The following VPS13D variants were observed in gnomAD, a reference collection of about 807,000 sequenced individuals.
VPS13D encodes the protein vacuolar protein sorting 13 homolog D, also known as intermembrane lipid transfer protein VPS13D.
VPS13D carries 187 observed loss-of-function variants against 461.9 expected under a neutral mutation model. That is an observed-to-expected ratio of 0.40 (90% CI 0.36 to 0.46). The LOEUF (loss-of-function observed/expected upper bound fraction) is 0.46. Ranked by LOEUF, VPS13D falls within the 20% of genes least tolerant of loss-of-function variation. The probability of loss-of-function intolerance (pLI) is 0.60; values close to 1 mark genes in which losing one functional copy is unlikely to be tolerated. For missense variants in VPS13D, 4,711 were observed against 5,364.9 expected, an observed-to-expected ratio of 0.88 and a Z score of 3.81; for synonymous variants, 1,951 against 1,986.3, an observed-to-expected ratio of 0.98 and a Z score of 0.47.
At chr1:12,410,839 T>A (rs74508501) in intron 63 of VPS13D, among the ~76,000 whole-genome samples, 150,572 of 152,336 alleles carry the variant, frequency 0.99, 74,506 homozygotes, top group Middle Eastern at 1. Context: ...AAATTTGGTA[T>A]TTTACCACAT....
intron 6 of VPS13D, 65 bp from the exon 7 acceptor site, chr1:12,253,657 T>C: frequency 7.9e-7 from 1 of 1,258,922 alleles, no homozygotes; most frequent in Non-Finnish European, 1.2e-6. Context: ...AATGGTTTGT[T>C]GAATGAATGA....
intron 67 of VPS13D, among the ~76,000 whole-genome samples, chr1:12,472,324 G>A (rs115347195): frequency 0.03 from 4,629 of 152,280 alleles, 106 homozygotes; most frequent in Non-Finnish European, 0.049. Flanking sequence ...CTGGGCTCCT[G>A]TTGAGAGGAG....
chr1:12,383,097 C>G lies in VPS13D; in HGVS notation c.11312C>G (p.Pro3771Arg). ...CAATTTATTAATCAAAAAATGAGACCTGGTTCTGGAATGTTATCCATCAGA... is the reference window on the plus strand; with the variant it reads ...CAATTTATTAATCAAAAAATGAGACGTGGTTCTGGAATGTTATCCATCAGA... ...EQQFINQKMR[P>R]GSGMLSIRVI... is the part of the protein sequence containing the mutation. Residue 3771 changes from proline (P) to arginine (R), a missense_variant, in exon 58 of 70, where the codon CCT becomes CGT. Physicochemically the swap from Pro to Arg is moderately radical, Grantham distance 103 (BLOSUM62 -2). This residue lies in a region of VPS13D where 4,411 missense variants were observed against 4,937.8 expected (regional missense o/e 0.89). Coordinates refer to ENST00000620676, the MANE Select transcript of VPS13D (RefSeq NM_015378.4). The G allele has an allele frequency of 6.2e-7, 1 of 1,614,114 alleles. No homozygotes were observed. Among genetic ancestry groups the G allele is most frequent in the Non-Finnish European group, 8.5e-7 (1 of 1,180,014 alleles).
chr1:12,370,176 A>G lies in VPS13D; in HGVS notation c.10808+474A>G, dbSNP rs527287300. 4.5e-4 allele frequency among the ~76,000 whole-genome samples: 68 copies of G among 152,340 alleles called. No individual in the cohort carries two copies. The Middle Eastern group carries it at 0.014, about 30-fold the overall frequency. On this transcript the variant is annotated intron_variant, in intron 54 of 69. Transcript: ENST00000620676. ...AGAAATTCCATTGCCTTAGAATTATAATCTTCACTGTTGTTTGACTAGTTG... is the reference window on the plus strand; with the variant it reads ...AGAAATTCCATTGCCTTAGAATTATGATCTTCACTGTTGTTTGACTAGTTG...
chr1:12,315,549 C>T lies in VPS13D; in HGVS notation c.7148+1222C>T, dbSNP rs116095861. Among the ~76,000 whole-genome samples the T allele has an allele frequency of 5.9e-3, 901 of 152,306 alleles. 14 individuals are homozygous for T. The highest frequency in any genetic ancestry group is 0.021 in the African/African-American group (854 of 41,564). On this transcript the variant is annotated intron_variant, in intron 30 of 69. Transcript: ENST00000620676. Reference sequence around the variant, plus strand: ...TCTGCAGAGGGGATGACTTCTTCCTCATTTTGCAGTTTCCAAGTTAGAAAC... The same window carrying T: ...TCTGCAGAGGGGATGACTTCTTCCTTATTTTGCAGTTTCCAAGTTAGAAAC...
intron 16 of VPS13D, 109 bp from the exon 17 acceptor site, chr1:12,270,885 T>A: frequency 1.4e-6 from 2 of 1,439,810 alleles, no homozygotes; most frequent in Non-Finnish European, 1.9e-6. Flanking sequence ...CAGCCTGATT[T>A]TTTTTTTTTT....
intron 21 of VPS13D, among the ~76,000 whole-genome samples, chr1:12,285,304 T>A (rs1285904681): frequency 2.0e-5 from 3 of 149,666 alleles, no homozygotes; most frequent in African/African-American, 2.5e-5. Flanking sequence ...TTATTTTTTT[T>A]TTTTGAGACG....
chr1:12,329,961 T>G, intron 37 of VPS13D, 43 bp downstream of exon 37: 1 of 1,576,538 alleles, frequency 6.3e-7, no homozygotes, highest in Non-Finnish European at 8.7e-7. Flanking sequence ...AAAAAATAAA[T>G]TTAAATGTTT....
chr1:12,282,872 G>T lies in VPS13D; in HGVS notation c.4770G>T (p.Glu1590Asp). The T allele has an allele frequency of 6.2e-7, 1 of 1,614,082 alleles. No individual in the cohort carries two copies. Among genetic ancestry groups the T allele is most frequent in the Non-Finnish European group, 8.5e-7 (1 of 1,180,010 alleles). ...GAGAATCTTCTGTTGAAAGGAAGGA[G>T]AATGGATTGTTCAGCCACTCCAGCC... ...TCGESSVERK[E>D]NGLFSHSSLS... The change falls in exon 21 of 70, where the codon GAG becomes GAT. Residue 1590 changes from glutamate (E) to aspartate (D), a missense_variant. Physicochemically the swap from Glu to Asp is conservative, Grantham distance 45. Around this residue, in one of 3 missense-constraint regions of VPS13D, gnomAD observed 4,411 missense variants for 4,937.8 expected, o/e 0.89. Coordinates refer to ENST00000620676, the MANE Select transcript of VPS13D (RefSeq NM_015378.4).
chr1:12,249,479 T>G (rs1416109222), intron 6 of VPS13D, 140 bp downstream of exon 6: 1 of 579,152 alleles, frequency 1.7e-6, no homozygotes, highest in Non-Finnish European at 2.9e-6. Context: ...GTGTCTCTTG[T>G]GTATTTGCAA....
intron 6 of VPS13D, among the ~76,000 whole-genome samples, chr1:12,252,997 A>G (rs1008248146): frequency 7.3e-5 from 11 of 151,720 alleles, no homozygotes; most frequent in African/African-American, 1.9e-4. Flanking sequence ...TGTCTCTACT[A>G]AAAATACAAA....
chr1:12,276,881 G>A lies in VPS13D; in HGVS notation c.3293G>A (p.Ser1098Asn), dbSNP rs1192409162. 11 of 1,614,052 alleles carry A rather than the reference G, an allele frequency of 6.8e-6. No individual in the cohort carries two copies. Among genetic ancestry groups the A allele is most frequent in the Non-Finnish European group, 9.3e-6 (11 of 1,180,024 alleles). Residue 1098 changes from serine to asparagine, a missense_variant, in exon 19 of 70, where the codon AGT becomes AAT. By Grantham distance (46) the Ser-to-Asn change is conservative. This residue lies in a region of VPS13D where 4,411 missense variants were observed against 4,937.8 expected (regional missense o/e 0.89). Transcript: ENST00000620676. This position sits in a 1 kb window ranked among gnomAD's most constrained non-coding sequence, Gnocchi z 4.5. Reference sequence around the variant, plus strand: ...GAGTGCCCATCGATGAATTTAGACAGTACTCTTCAGGTGATTTCCCTACAG... The same window carrying A: ...GAGTGCCCATCGATGAATTTAGACAATACTCTTCAGGTGATTTCCCTACAG... ...SSECPSMNLDSTLQVISLQVN... is the reference protein window; with the variant it reads ...SSECPSMNLDNTLQVISLQVN...
chr1:12,354,279 T>G (rs1643867229), intron 47 of VPS13D, 58 bp downstream of exon 47: 1 of 1,581,652 alleles, frequency 6.3e-7, no homozygotes, highest in African/African-American at 1.4e-5. Flanking sequence ...CAATGAGTAT[T>G]TTGTGATTAT....
chr1:12,312,087 A>G (rs775007379), intron 29 of VPS13D, among the ~76,000 whole-genome samples, 162 bp downstream of exon 29: 3 of 152,228 alleles, frequency 2.0e-5, no homozygotes, highest in Admixed American at 6.5e-5. Flanking sequence ...TGAAAAGTTT[A>G]GATTCATGCT....
intron 67 of VPS13D, among the ~76,000 whole-genome samples, chr1:12,484,575 T>C (rs1040195412): frequency 3.5e-4 from 54 of 152,314 alleles, no homozygotes; most frequent in African/African-American, 1.3e-3. Context: ...ATCCATAAAA[T>C]GAAATACTAG....
At chr1:12,496,557 G>T (rs1645960185) in intron 67 of VPS13D, among the ~76,000 whole-genome samples, 1 of 152,224 alleles carries the variant, frequency 6.6e-6, no homozygotes, top group Non-Finnish European at 1.5e-5. Context: ...GTCTAGAGAG[G>T]AGTGTTTTGC....
chr1:12,383,948 G>A, intron 58 of VPS13D, among the ~76,000 whole-genome samples: 1 of 152,204 alleles, frequency 6.6e-6, no homozygotes, highest in East Asian at 1.9e-4. Context: ...AAGAAGGCTG[G>A]AGATAGAAGC....
intron 32 of VPS13D, among the ~76,000 whole-genome samples, 200 bp downstream of exon 32, chr1:12,319,830 T>C (rs1642987432): frequency 6.6e-6 from 1 of 152,250 alleles, no homozygotes; most frequent in Non-Finnish European, 1.5e-5. Context: ...AGTGTTAGTC[T>C]ATAAATATGC....
intron 52 of VPS13D, 50 bp downstream of exon 52, chr1:12,363,297 T>A: frequency 6.3e-7 from 1 of 1,579,438 alleles, no homozygotes; most frequent in South Asian, 1.1e-5. Context: ...CTGTTTGAGA[T>A]GCAGTACTGT....
Sources: gnomAD v4.1 joint callset for allele counts (sites outside exome capture counted in the v4.1 genomes callset) on GRCh38, gnomAD v4.1.1 for gene constraint, gnomAD v4.1.1 regional missense constraint, Gnocchi (gnomAD v3.1) non-coding constraint, MANE v1.5 for transcripts, NCBI Gene and HGNC (gene_info 2026-07-23, HGNC 2026-07-21) for gene names.